The following RIC1 variants were observed in gnomAD, a reference collection of about 807,000 sequenced individuals.
RIC1 encodes the protein guanine nucleotide exchange factor subunit RIC1.
In RIC1, 88 loss-of-function variants were observed where a neutral mutation model predicts 169.0. That is an observed-to-expected ratio of 0.52 (90% CI 0.44 to 0.62). RIC1 has a LOEUF of 0.62. Ranked by LOEUF, RIC1 falls within the 20% of genes least tolerant of loss-of-function variation. The pLI is 0.00. For missense variants in RIC1, 1,877 were observed against 1,725.5 expected (o/e 1.09, Z -1.56); for synonymous variants, 790 against 601.5 (o/e 1.31, Z -4.59).
intron 3 of RIC1, among the ~76,000 whole-genome samples, chr9:5,712,626 C>T (rs10975255): frequency 1.3e-3 from 204 of 152,146 alleles, no homozygotes; most frequent in African/African-American, 4.7e-3. Flanking sequence ...AGCTTTCTAG[C>T]CCTATTTGAA....
chr9:5,710,080 G>C lies in RIC1; in HGVS notation c.333-3816G>C, dbSNP rs1409802746. On this transcript the variant is annotated intron_variant, in intron 3 of 25. Coordinates refer to ENST00000414202, the MANE Select transcript of RIC1 (RefSeq NM_020829.4). ...AACCCTTGAGCTAAAAATCCAAAGA[G>C]AAAGATAAATAACTAAGGAAGAGCA... Among the ~76,000 whole-genome samples the C allele has an allele frequency of 3.3e-5, 5 of 152,150 alleles. No individual in the cohort carries two copies. In the East Asian group the frequency reaches 9.7e-4, roughly 29 times the overall value.
intron 6 of RIC1, among the ~76,000 whole-genome samples, chr9:5,724,484 A>G (rs1046592830): frequency 1.3e-5 from 2 of 152,242 alleles, no homozygotes; most frequent in African/African-American, 4.8e-5. Flanking sequence ...TTTTCTAGAT[A>G]TACAATCATG....
intron 1 of RIC1, among the ~76,000 whole-genome samples, chr9:5,632,388 A>G (rs1229438932): frequency 2.0e-5 from 3 of 152,180 alleles, no homozygotes; most frequent in Non-Finnish European, 4.4e-5. Context: ...ACTTTTATGT[A>G]CTACTTATAC....
At chr9:5,656,407 A>C (rs1334451831) in intron 1 of RIC1, among the ~76,000 whole-genome samples, 176 bp from the exon 2 acceptor site, 4 of 152,152 alleles carry the variant, frequency 2.6e-5, no homozygotes, top group Admixed American at 2.6e-4. Flanking sequence ...GCGTAGGTTT[A>C]GGTCTTTGTT....
At chr9:5,642,538 A>G (rs1436591134) in intron 1 of RIC1, among the ~76,000 whole-genome samples, 2 of 145,052 alleles carry the variant, frequency 1.4e-5, no homozygotes, top group East Asian at 3.8e-4. Flanking sequence ...GCCAGGGATT[A>G]GAGTCAAAAT....
chr9:5,636,045 T>C (rs1432502742), intron 1 of RIC1, among the ~76,000 whole-genome samples: 1 of 152,262 alleles, frequency 6.6e-6, no homozygotes, highest in Non-Finnish European at 1.5e-5. Flanking sequence ...TCATGGGCTA[T>C]TGTGGTTTTG....
At position 5,658,102 on chromosome 9, in the gene RIC1, C is replaced by G. The variant is rs1027559773; in HGVS notation, c.252+1412C>G. ...TAACATTTCAAGTGTACACATATTG[C>G]CATTCTGTGACATTTTATATTATTT... On this transcript the variant is annotated intron_variant, in intron 2 of 25. Transcript: ENST00000414202. Among the ~76,000 whole-genome samples the G allele has an allele frequency of 5.9e-5, 9 of 152,052 alleles. No individual in the cohort carries two copies. In the South Asian group the frequency reaches 1.0e-3, roughly 18 times the overall value.
At chr9:5,766,681 C>T (rs978267949) in intron 21 of RIC1, among the ~76,000 whole-genome samples, 5 of 152,172 alleles carry the variant, frequency 3.3e-5, no homozygotes, top group African/African-American at 1.2e-4. Context: ...TTAATTCATT[C>T]CTTTTTATGG....
At chr9:5,764,838 G>A (rs962593930) in intron 19 of RIC1, among the ~76,000 whole-genome samples, 2 of 152,172 alleles carry the variant, frequency 1.3e-5, no homozygotes, top group African/African-American at 4.8e-5. Context: ...AAGTTGCTAT[G>A]GATTGGCAGA....
In RIC1 at chr9:5,765,719, C is replaced by T; in HGVS notation, c.3058C>T (p.Gln1020Ter). ...CAGGAATCGAAGCATCAGTTTATCC[C>T]AGTCAGCTGAAAATGTTCCTGCCAG... ...FFRNRSISLS[Q>*]SAENVPASKF... is the part of the protein sequence containing the mutation. Residue 1020 changes from glutamine to a stop codon, truncating the protein, a stop_gained, in exon 21 of 26, where the codon CAG (glutamine) becomes TAG (stop). Coordinates refer to ENST00000414202, the MANE Select transcript of RIC1 (RefSeq NM_020829.4). LOFTEE classifies it high-confidence loss of function. 1 of 1,614,138 alleles carries T rather than the reference C, an allele frequency of 6.2e-7. No homozygotes were observed. Among genetic ancestry groups the T allele is most frequent in the Non-Finnish European group, 8.5e-7 (1 of 1,179,994 alleles).
At chr9:5,714,878 A>G (rs1335103399) in intron 4 of RIC1, among the ~76,000 whole-genome samples, 1 of 152,176 alleles carries the variant, frequency 6.6e-6, no homozygotes, top group Non-Finnish European at 1.5e-5. Context: ...TGAACTATGT[A>G]AATGTATTGA....
At chr9:5,674,384 G>T (rs2130591104) in intron 2 of RIC1, among the ~76,000 whole-genome samples, 1 of 152,192 alleles carries the variant, frequency 6.6e-6, no homozygotes, top group East Asian at 1.9e-4. Flanking sequence ...CTAGAAGCAG[G>T]TCAGCATTTA....
chr9:5,645,812 A>G (rs1049424309), intron 1 of RIC1, among the ~76,000 whole-genome samples: 1 of 152,186 alleles, frequency 6.6e-6, no homozygotes, highest in Non-Finnish European at 1.5e-5. Context: ...TGATGGACAC[A>G]TGGGCTGCTT....
downstream of RIC1, among the ~76,000 whole-genome samples, chr9:5,777,412 AAAAC>A (rs550713277): frequency 3.2e-4 from 49 of 152,090 alleles, no homozygotes; most frequent in African/African-American, 1.1e-3. Flanking sequence ...CTAAAAAAAA[AAAAC>A]AAATTGAGTG....
intron 2 of RIC1, among the ~76,000 whole-genome samples, chr9:5,681,660 T>G (rs1820847414): frequency 1.3e-5 from 2 of 152,218 alleles, no homozygotes. Flanking sequence ...CTATTAGGTC[T>G]GCTTGGTGCA....
intron 21 of RIC1, among the ~76,000 whole-genome samples, chr9:5,767,673 C>T (rs1471019947): frequency 9.2e-5 from 14 of 152,080 alleles, no homozygotes; most frequent in African/African-American, 3.4e-4. Context: ...TCGCAATCTC[C>T]GCCTCCCAGG....
chr9:5,711,051 T>C (rs1388106570), intron 3 of RIC1, among the ~76,000 whole-genome samples: 1 of 152,160 alleles, frequency 6.6e-6, no homozygotes, highest in African/African-American at 2.4e-5. Flanking sequence ...CATCAGTAGA[T>C]TGAACAGGTC....
chr9:5,679,413 CTA>C (rs1426000792), intron 2 of RIC1, among the ~76,000 whole-genome samples: 1 of 152,200 alleles, frequency 6.6e-6, no homozygotes, highest in Non-Finnish European at 1.5e-5. Context: ...GGCATTGAAT[CTA>C]TAAATTACCT....
At chr9:5,709,611 G>A (rs187448640) in intron 3 of RIC1, among the ~76,000 whole-genome samples, 3 of 152,260 alleles carry the variant, frequency 2.0e-5, no homozygotes, top group African/African-American at 7.2e-5. Context: ...CTGGCATTCA[G>A]TGCTTTCATA....
Sources: gnomAD v4.1 joint callset for allele counts (sites outside exome capture counted in the v4.1 genomes callset) on GRCh38, gnomAD v4.1.1 for gene constraint, MANE v1.5 for transcripts, NCBI Gene and HGNC (gene_info 2026-07-23, HGNC 2026-07-21) for gene names.